AXDND1: variants seen among roughly 807,000 people sequenced by gnomAD.
AXDND1 encodes axonemal dynein light chain domain-containing protein 1.
AXDND1 carries 110 observed loss-of-function variants against 137.5 expected under a neutral mutation model. The observed-to-expected ratio is 0.80, with a 90% CI of 0.69 to 0.94. The LOEUF (loss-of-function observed/expected upper bound fraction) is 0.94. Among genes scored for constraint, AXDND1 ranks in the 40% least tolerant of loss-of-function variants. AXDND1 has a pLI of 0.00. For missense variants in AXDND1, 1,191 were observed against 1,169.8 expected (o/e 1.02, Z -0.26); for synonymous variants, 414 against 399.7 (o/e 1.04, Z -0.43).
At chr1:179,512,206 T>C (rs534262527) in intron 21 of AXDND1, among the ~76,000 whole-genome samples, 324 of 152,346 alleles carry the variant, frequency 2.1e-3, no homozygotes, top group African/African-American at 6.8e-3. Flanking sequence ...GTCTTAGATT[T>C]AAGTCCTTAA....
chr1:179,430,345 A>G (rs1416984556), intron 13 of AXDND1, 107 bp from the exon 14 acceptor site: 3 of 856,330 alleles, frequency 3.5e-6, no homozygotes, highest in East Asian at 2.7e-5. Context: ...TCAATTTTCT[A>G]TGAATTTCTC....
intron 20 of AXDND1, among the ~76,000 whole-genome samples, chr1:179,497,016 C>T (rs1667510131): frequency 6.6e-6 from 1 of 152,052 alleles, no homozygotes; most frequent in Non-Finnish European, 1.5e-5. Flanking sequence ...AGCTCTTCTG[C>T]TATTGATTTG....
intron 15 of AXDND1, among the ~76,000 whole-genome samples, chr1:179,440,303 A>G (rs1465248710): frequency 6.6e-6 from 1 of 152,262 alleles, no homozygotes; most frequent in East Asian, 1.9e-4. Context: ...CAGGTATCCC[A>G]TATGAGCAAC....
intron 9 of AXDND1, among the ~76,000 whole-genome samples, chr1:179,392,202 A>G (rs540936032): frequency 5.3e-5 from 8 of 152,336 alleles, no homozygotes; most frequent in South Asian, 2.1e-4. Context: ...CTTAGCTCCT[A>G]TTTATAAGTG....
intron 16 of AXDND1, chr1:179,448,224 T>TC: frequency 1.2e-6 from 1 of 802,204 alleles, no homozygotes; most frequent in Non-Finnish European, 2.2e-6. Flanking sequence ...GGTTGTGCTT[T>TC]CATAAGGTTA....
intron 12 of AXDND1, 22 bp downstream of exon 12, chr1:179,411,288 A>G: frequency 3.8e-6 from 6 of 1,598,938 alleles, no homozygotes; most frequent in Non-Finnish European, 5.1e-6. Flanking sequence ...TGGATTCACA[A>G]CTCACACTTC....
At chr1:179,427,129 A>G (rs754787239) in intron 12 of AXDND1, among the ~76,000 whole-genome samples, 2 of 152,140 alleles carry the variant, frequency 1.3e-5, no homozygotes, top group African/African-American at 4.8e-5. Context: ...ATGCCACTGC[A>G]CTCCAGCCTG....
At chr1:179,419,432 C>T (rs974474650) in intron 12 of AXDND1, among the ~76,000 whole-genome samples, 3 of 149,046 alleles carry the variant, frequency 2.0e-5, no homozygotes, top group Admixed American at 6.7e-5. Context: ...GCCAACACAG[C>T]GAAACCCCGT....
rs188414865 is a variant in AXDND1, at chr1:179,440,108, A to T, written c.1564-4862A>T. On this transcript the variant is annotated intron_variant, in intron 15 of 25. Coordinates refer to ENST00000367618, the MANE Select transcript of AXDND1 (RefSeq NM_144696.6). ...TAAATATAGTTTTGATTGAGGTGGCAGTTGGCTTCCTATACCCCCTTTTTG... is the reference window on the plus strand; with the variant it reads ...TAAATATAGTTTTGATTGAGGTGGCTGTTGGCTTCCTATACCCCCTTTTTG... 1.3e-3 allele frequency among the ~76,000 whole-genome samples: 203 copies of T among 152,334 alleles called. 2 individuals carry two copies. Among genetic ancestry groups the T allele is most frequent in the African/African-American group, 4.7e-3 (197 of 41,590 alleles).
intron 12 of AXDND1, among the ~76,000 whole-genome samples, chr1:179,422,412 A>G (rs1163262235): frequency 6.6e-6 from 1 of 152,082 alleles, no homozygotes; most frequent in African/African-American, 2.4e-5. Context: ...ATAAAATGTT[A>G]TTTAATTTCT....
At chr1:179,423,701 G>T (rs1303970505) in intron 12 of AXDND1, among the ~76,000 whole-genome samples, 2 of 118,942 alleles carry the variant, frequency 1.7e-5, no homozygotes, top group African/African-American at 5.9e-5. Flanking sequence ...AAAAAGAAAA[G>T]AAGCAAATAA....
At chr1:179,422,091 G>A (rs1342699102) in intron 12 of AXDND1, among the ~76,000 whole-genome samples, 1 of 148,864 alleles carries the variant, frequency 6.7e-6, no homozygotes, top group Non-Finnish European at 1.5e-5. Flanking sequence ...TTGATTCCTT[G>A]TATTTATTGT....
At chr1:179,378,475 G>A (rs535826351) in intron 4 of AXDND1, among the ~76,000 whole-genome samples, 162 bp from the exon 5 acceptor site, 1 of 152,276 alleles carries the variant, frequency 6.6e-6, no homozygotes, top group East Asian at 1.9e-4. Context: ...GGGAACTCAT[G>A]TTTAATGCCT....
intron 11 of AXDND1, among the ~76,000 whole-genome samples, chr1:179,396,909 A>C (rs142412399): frequency 4.6e-5 from 7 of 152,288 alleles, no homozygotes; most frequent in South Asian, 2.1e-4. Context: ...TGAAGATAGC[A>C]TACCAATGGG....
In AXDND1 at chr1:179,528,432, G is replaced by T. The variant is rs1158604049; in HGVS notation, c.2715+1G>T. 1.9e-6 allele frequency: 3 copies of T among 1,601,978 alleles called. No individual in the cohort carries two copies. The highest frequency in any genetic ancestry group is 2.2e-5 in the East Asian group (1 of 44,804). ...TGAAACAGATGTGTTGTCTTCCTGGGTATGTATCTGAAACCCAGCTAGGGA... is the reference window on the plus strand; with the variant it reads ...TGAAACAGATGTGTTGTCTTCCTGGTTATGTATCTGAAACCCAGCTAGGGA... On this transcript the variant is annotated splice_donor_variant, in intron 23 of 25. Transcript: ENST00000367618. LOFTEE classifies it high-confidence loss of function.
chr1:179,385,924 A>G (rs918325324), intron 9 of AXDND1, among the ~76,000 whole-genome samples: 3 of 152,020 alleles, frequency 2.0e-5, no homozygotes, highest in Non-Finnish European at 4.4e-5. Context: ...TAAATTTAGT[A>G]CTTTAAAGAT....
intron 12 of AXDND1, among the ~76,000 whole-genome samples, chr1:179,421,805 G>A (rs1175433552): frequency 2.0e-5 from 3 of 151,834 alleles, no homozygotes; most frequent in Non-Finnish European, 4.4e-5. Context: ...TGGGAGGTCA[G>A]AGTGGGTGGA....
chr1:179,366,413 G>T lies in AXDND1; in HGVS notation c.-97G>T. The T allele has an allele frequency of 1.1e-6, 1 of 888,608 alleles. No homozygotes were observed. Among genetic ancestry groups the T allele is most frequent in the Non-Finnish European group, 1.8e-6 (1 of 544,930 alleles). The allele number at this position is 888,608 out of a possible 1,614,324, so 55.0% of individuals were successfully genotyped here. ...TTTCCTCTGCCTGCAGGACTATGTG[G>T]CAGCCTGCAAGTCCCAGTGCGGCGC... On this transcript the variant is annotated 5_prime_UTR_variant, in exon 2 of 26. Coordinates refer to ENST00000367618, the MANE Select transcript of AXDND1 (RefSeq NM_144696.6).
intron 15 of AXDND1, among the ~76,000 whole-genome samples, chr1:179,437,046 C>T (rs1658257274): frequency 7.6e-6 from 1 of 131,182 alleles, no homozygotes. Context: ...ATGTCTTCTT[C>T]ATCTATAAAA....
Sources: allele counts gnomAD v4.1 joint callset (sites outside exome capture counted in the v4.1 genomes callset), GRCh38; gene constraint gnomAD v4.1.1; transcripts MANE v1.5; gene names NCBI Gene and HGNC (gene_info 2026-07-23, HGNC 2026-07-21).